Variants in TCF12 observed in about 807,000 individuals in gnomAD.
TCF12 encodes DNA-binding protein HTF4.
Under a neutral mutation model 86.0 loss-of-function variants are expected in TCF12, and 45 were observed. The ratio of observed to expected loss-of-function variants is 0.52; its 90% CI spans 0.41 to 0.67. The LOEUF is 0.67. TCF12 is among the 30% of genes least tolerant of loss of function. TCF12 has a pLI of 0.00. For missense variants in TCF12, 881 were observed against 859.9 expected, an observed-to-expected ratio of 1.02 and a Z score of -0.31; for synonymous variants, 330 against 299.6, an observed-to-expected ratio of 1.10 and a Z score of -1.05.
chr15:56,993,181 G>A (rs78504962), intron 3 of TCF12, among the ~76,000 whole-genome samples: 1,766 of 152,104 alleles, frequency 0.012, 33 homozygotes, highest in African/African-American at 0.04. Context: ...TCTAAAAGAC[G>A]CCTGCTACTT....
chr15:57,015,159 A>G (rs750923571), intron 3 of TCF12, among the ~76,000 whole-genome samples: 6 of 152,050 alleles, frequency 3.9e-5, no homozygotes, highest in African/African-American at 1.4e-4. Flanking sequence ...ATGGTGGTAC[A>G]TACTTGTAAT....
intron 3 of TCF12, among the ~76,000 whole-genome samples, chr15:56,999,507 T>G (rs908931863): frequency 1.3e-5 from 2 of 152,138 alleles, no homozygotes; most frequent in African/African-American, 4.8e-5. Context: ...TGAAATAGAC[T>G]AATTCCTTGG....
At chr15:57,075,835 T>TCTCTCTCTCTCTCTCTCTCTC (rs778545170) in intron 4 of TCF12, among the ~76,000 whole-genome samples, 2 of 49,994 alleles carry the variant, frequency 4.0e-5, no homozygotes, top group Admixed American at 2.4e-4. Flanking sequence ...TCTCTCTCTC[T>TCTCTCTCTCTCTCTCTCTCTC]TTTCTTTCTT....
chr15:57,198,949 C>G (rs1190327086), intron 8 of TCF12, among the ~76,000 whole-genome samples: 1 of 151,942 alleles, frequency 6.6e-6, no homozygotes, highest in African/African-American at 2.4e-5. Flanking sequence ...TGTGTTATTC[C>G]CCTGCCTTCT....
At chr15:57,264,274 C>T in intron 18 of TCF12, among the ~76,000 whole-genome samples, 1 of 125,460 alleles carries the variant, frequency 8.0e-6, no homozygotes, top group African/African-American at 3.0e-5. Flanking sequence ...CATCTCGGCT[C>T]ACTGCAACCT....
chr15:56,969,798 T>C (rs559679770), intron 3 of TCF12, among the ~76,000 whole-genome samples: 12 of 152,282 alleles, frequency 7.9e-5, no homozygotes, highest in Non-Finnish European at 7.3e-5. Context: ...GAATAGATAA[T>C]GCAAATTTAA....
chr15:57,205,070 T>C (rs1213655974), intron 8 of TCF12, among the ~76,000 whole-genome samples: 2 of 152,016 alleles, frequency 1.3e-5, no homozygotes, highest in Non-Finnish European at 2.9e-5. Flanking sequence ...CCCAAAACTT[T>C]GGGAGGTGGA....
At chr15:57,082,891 A>C (rs777224465) in intron 4 of TCF12, among the ~76,000 whole-genome samples, 5 of 152,182 alleles carry the variant, frequency 3.3e-5, no homozygotes, top group Non-Finnish European at 7.3e-5. Context: ...CCTTATTTGT[A>C]ATAGGGAGAA....
At chr15:57,017,172 G>C (rs777141826) in intron 3 of TCF12, among the ~76,000 whole-genome samples, 4 of 152,196 alleles carry the variant, frequency 2.6e-5, no homozygotes, top group Non-Finnish European at 4.4e-5. Context: ...AGTTGACACT[G>C]AGATTATGGG....
chr15:57,267,998 T>A (rs1414447862), intron 18 of TCF12, among the ~76,000 whole-genome samples: 1 of 152,196 alleles, frequency 6.6e-6, no homozygotes, highest in Non-Finnish European at 1.5e-5. Context: ...ATATCTACTG[T>A]TACAGTGGTA....
chr15:57,204,271 A>G (rs549394119), intron 8 of TCF12, among the ~76,000 whole-genome samples: 2 of 152,080 alleles, frequency 1.3e-5, no homozygotes, highest in South Asian at 4.2e-4. Context: ...CCTTGTCTGC[A>G]CACACACACA....
rs118174654 is a variant in TCF12 at position 57,088,456 on chromosome 15, C to A, written c.223-3333C>A. On this transcript the variant is annotated intron_variant, in intron 4 of 20. Transcript: ENST00000333725. ...ACTTTTAAAACTACATGGATGATTA[C>A]ATACATACATAAAAATATTTTGCTA... Among the ~76,000 whole-genome samples, 490 of 151,730 alleles carry A rather than the reference C, an allele frequency of 3.2e-3. 13 individuals are homozygous for A. In the East Asian group the frequency reaches 0.078, roughly 24 times the overall value.
At chr15:57,232,056 T>C (rs1483176557) in intron 9 of TCF12, among the ~76,000 whole-genome samples, 1 of 152,164 alleles carries the variant, frequency 6.6e-6, no homozygotes, top group Non-Finnish European at 1.5e-5. Flanking sequence ...TTCTGAAGAT[T>C]TTTATAATGG....
chr15:56,942,550 A>G (rs2060824009), intron 3 of TCF12, among the ~76,000 whole-genome samples: 1 of 152,226 alleles, frequency 6.6e-6, no homozygotes, highest in Non-Finnish European at 1.5e-5. Context: ...TATTATAAAC[A>G]ATATATTTCA....
intron 4 of TCF12, among the ~76,000 whole-genome samples, chr15:57,078,859 C>T (rs1043845805): frequency 1.3e-5 from 2 of 152,146 alleles, no homozygotes; most frequent in East Asian, 1.9e-4. Context: ...TGAAAACCAT[C>T]GTATTTGATC....
intron 3 of TCF12, among the ~76,000 whole-genome samples, chr15:57,011,613 T>C (rs2064835543): frequency 6.6e-6 from 1 of 152,106 alleles, no homozygotes; most frequent in Non-Finnish European, 1.5e-5. Flanking sequence ...CTTCCTTCAT[T>C]AACAAAGACC....
At chr15:57,128,156 TGTTA>T (rs2051817664) in intron 5 of TCF12, among the ~76,000 whole-genome samples, 1 of 152,194 alleles carries the variant, frequency 6.6e-6, no homozygotes, top group South Asian at 2.1e-4. Flanking sequence ...AAGTGTGGGC[TGTTA>T]GTAAGTCCAT....
chr15:57,063,465 G>T (rs188817659), intron 3 of TCF12, among the ~76,000 whole-genome samples: 1 of 152,190 alleles, frequency 6.6e-6, no homozygotes, highest in African/African-American at 2.4e-5. Flanking sequence ...AGTGCAGGGC[G>T]TGGTGCTGGA....
chr15:57,179,275 A>G lies in TCF12; in HGVS notation c.390+12809A>G, dbSNP rs534134505. On this transcript the variant is annotated intron_variant, in intron 6 of 20. Transcript: ENST00000333725. ...GCTGAGGCAGGCGGATCAAGAGGTC[A>G]GGAGTGCAAGACCAGCCTGGCCAGC... Among the ~76,000 whole-genome samples the G allele has an allele frequency of 3.9e-5, 6 of 152,242 alleles. No individual in the cohort carries two copies. The South Asian group carries it at 1.2e-3, about 32-fold the overall frequency.
Sources: gnomAD v4.1 joint callset for allele counts (sites outside exome capture counted in the v4.1 genomes callset) on GRCh38, gnomAD v4.1.1 for gene constraint, MANE v1.5 for transcripts, NCBI Gene and HGNC (gene_info 2026-07-23, HGNC 2026-07-21) for gene names.